The following SLC17A8 variants were observed in gnomAD, a reference collection of about 807,000 sequenced individuals.
SLC17A8 encodes the protein solute carrier family 17 member 8.
In SLC17A8, 31 loss-of-function variants were observed where a neutral mutation model predicts 58.0. The ratio of observed to expected loss-of-function variants is 0.53; its 90% CI spans 0.40 to 0.72. SLC17A8 has a LOEUF of 0.72. SLC17A8 is among the 30% of genes least tolerant of loss of function. The pLI is 0.00. For missense variants in SLC17A8, 655 were observed against 727.8 expected (o/e 0.90, Z 1.15); for synonymous variants, 228 against 249.0 (o/e 0.92, Z 0.79).
intron 1 of SLC17A8, among the ~76,000 whole-genome samples, chr12:100,374,505 G>A (rs149021383): frequency 0.02 from 3,063 of 152,220 alleles, 29 homozygotes; most frequent in Non-Finnish European, 0.028. Context: ...CCAGCTACTC[G>A]GGAGGCTGAG....
At chr12:100,396,699 A>G (rs1001610769) in intron 5 of SLC17A8, among the ~76,000 whole-genome samples, 8 of 152,192 alleles carry the variant, frequency 5.3e-5, no homozygotes, top group African/African-American at 1.9e-4. Context: ...GCATTAAGCT[A>G]TGATGGCCAC....
At chr12:100,357,826 G>A (rs1952459023) in intron 1 of SLC17A8, among the ~76,000 whole-genome samples, 1 of 152,118 alleles carries the variant, frequency 6.6e-6, no homozygotes, top group Non-Finnish European at 1.5e-5. Flanking sequence ...TAACTCATTA[G>A]TAATGACAAA....
At chr12:100,400,670 C>A (rs1952784600) in intron 5 of SLC17A8, among the ~76,000 whole-genome samples, 1 of 152,056 alleles carries the variant, frequency 6.6e-6, no homozygotes, top group Non-Finnish European at 1.5e-5. Context: ...TTCCTTTCAC[C>A]ACTCACTTTT....
chr12:100,357,354 A>C lies in SLC17A8; in HGVS notation c.-38A>C, dbSNP rs759349166. The C allele has an allele frequency of 8.7e-7, 1 of 1,150,590 alleles. No homozygotes were observed. The highest frequency in any genetic ancestry group is 1.5e-5 in the African/African-American group (1 of 65,784). The allele number at this position is 1,150,590 out of a possible 1,614,324, so 71.3% of individuals were successfully genotyped here. On this transcript the variant is annotated 5_prime_UTR_variant, in exon 1 of 12. Transcript: ENST00000323346. ...ATGAGGAAGGATGACAGTTTTTGAGACTGACTGTTAACGGCTCAGAGGTGC... is the reference window on the plus strand; with the variant it reads ...ATGAGGAAGGATGACAGTTTTTGAGCCTGACTGTTAACGGCTCAGAGGTGC...
intron 1 of SLC17A8, among the ~76,000 whole-genome samples, chr12:100,361,188 G>A (rs930411481): frequency 6.6e-6 from 1 of 152,178 alleles, no homozygotes; most frequent in African/African-American, 2.4e-5. Context: ...TCTCACCCCT[G>A]CTCAAAACTA....
rs1242499509 is a variant in SLC17A8, at chr12:100,402,477, A to C, written c.901A>C (p.Ser301Arg). ...AGAGGGGGCCAACGTGGTTAGTCTA[A>C]GTGTAAGTATAAAAAGTCAGATGAA... ...IGEGANVVSL[S>R]KFSTPWKRFF... The change falls in exon 7 of 12, where the codon AGT becomes CGT. Residue 301 changes from serine to arginine, a missense_variant and splice_region_variant. Transcript: ENST00000323346. The C allele has an allele frequency of 6.2e-7, 1 of 1,614,086 alleles. No individual in the cohort carries two copies. The highest frequency in any genetic ancestry group is 1.1e-5 in the South Asian group (1 of 91,058).
rs540937478 is a variant in SLC17A8, at chr12:100,366,046, C to T, written c.101+8554C>T. On this transcript the variant is annotated intron_variant, in intron 1 of 11. Transcript: ENST00000323346. ...TAGTTCCCTGTCATCCACCGTGATC[C>T]CTTCTTTTTTTTTTTTTTTTTTTTT... Among the ~76,000 whole-genome samples, 69 of 122,012 alleles carry T rather than the reference C, an allele frequency of 5.7e-4. 1 individual carries two copies. The highest frequency in any genetic ancestry group is 2.3e-3 in the African/African-American group (69 of 29,482). 80.0% of individuals were successfully genotyped at this position (122,012 alleles called of 152,430 possible). A position where few individuals can be genotyped will look rare whatever the true frequency, so the allele number is the denominator to read the frequency against.
chr12:100,366,719 G>A (rs991505478), intron 1 of SLC17A8, among the ~76,000 whole-genome samples: 4 of 152,288 alleles, frequency 2.6e-5, no homozygotes, highest in Non-Finnish European at 4.4e-5. Context: ...ACTTTCCACT[G>A]GGGTGGCCAG....
chr12:100,395,771 C>T (rs1010124544), intron 4 of SLC17A8, among the ~76,000 whole-genome samples: 2 of 152,120 alleles, frequency 1.3e-5, no homozygotes, highest in African/African-American at 4.8e-5. Context: ...CACCACCATG[C>T]CCAACTAGTT....
At chr12:100,358,304 TTGA>T (rs1212510734) in intron 1 of SLC17A8, among the ~76,000 whole-genome samples, 4 of 152,302 alleles carry the variant, frequency 2.6e-5, no homozygotes, top group Non-Finnish European at 5.9e-5. Flanking sequence ...AAAAATAACT[TTGA>T]TACACTTTTT....
rs1456364834 is a variant in SLC17A8 at position 100,402,228 on chromosome 12, A to G, written c.764-112A>G. The G allele has an allele frequency of 4.1e-6, 5 of 1,211,630 alleles. No individual in the cohort carries two copies. The East Asian group carries it at 7.3e-5, about 18-fold the overall frequency. The allele number at this position is 1,211,630 out of a possible 1,614,324, so 75.1% of individuals were successfully genotyped here. A position where few individuals can be genotyped will look rare whatever the true frequency, so the allele number is the denominator to read the frequency against. ...TGAGTCCCTCAAACCTTGTTACAAC[A>G]TTGGTACATTACCCATTTTACCTGA... On this transcript the variant is annotated intron_variant, in intron 6 of 11. Transcript: ENST00000323346.
At chr12:100,419,459 G>A (rs2136019746) in intron 11 of SLC17A8, among the ~76,000 whole-genome samples, 1 of 151,918 alleles carries the variant, frequency 6.6e-6, no homozygotes, top group East Asian at 1.9e-4. Context: ...TGTGAACCCA[G>A]GAGGCGGAGC....
intron 1 of SLC17A8, among the ~76,000 whole-genome samples, chr12:100,367,753 A>G (rs565599516): frequency 6.6e-6 from 1 of 152,162 alleles, no homozygotes; most frequent in East Asian, 1.9e-4. Context: ...AGGTCTCGCT[A>G]TGTTGCCTAG....
chr12:100,373,686 G>C (rs980766491), intron 1 of SLC17A8, among the ~76,000 whole-genome samples: 1 of 148,034 alleles, frequency 6.8e-6, no homozygotes, highest in African/African-American at 2.5e-5. Flanking sequence ...CTAGGTTCAA[G>C]AGATTCTCCT....
chr12:100,374,396 G>C lies in SLC17A8; in HGVS notation c.102-6305G>C, dbSNP rs1952579769. Among the ~76,000 whole-genome samples the C allele has an allele frequency of 2.0e-5, 3 of 152,182 alleles. No homozygotes were observed. In the South Asian group the frequency reaches 6.2e-4, roughly 32 times the overall value. ...GGAGACTGAGATGGGTGGATTGCTT[G>C]AGGCCAGAAGTTCCACACCAGCCTG... is the stretch of plus-strand genomic sequence containing the variant. On this transcript the variant is annotated intron_variant, in intron 1 of 11. Transcript: ENST00000323346.
At chr12:100,398,420 A>G (rs563633949) in intron 5 of SLC17A8, among the ~76,000 whole-genome samples, 1 of 152,082 alleles carries the variant, frequency 6.6e-6, no homozygotes, top group African/African-American at 2.4e-5. Context: ...TATTTGTAAG[A>G]CCTTTCATTT....
intron 1 of SLC17A8, among the ~76,000 whole-genome samples, chr12:100,373,236 C>G (rs1438863493): frequency 6.6e-6 from 1 of 152,120 alleles, no homozygotes; most frequent in East Asian, 1.9e-4. Flanking sequence ...TGCAGTCAAG[C>G]AGGGAAGGAA....
chr12:100,411,708 C>G (rs189539590), intron 9 of SLC17A8, among the ~76,000 whole-genome samples: 1 of 151,804 alleles, frequency 6.6e-6, no homozygotes, highest in Non-Finnish European at 1.5e-5. Context: ...ACTTTTTTTT[C>G]GGGTGAGAAG....
intron 10 of SLC17A8, among the ~76,000 whole-genome samples, chr12:100,414,799 G>GTA: frequency 6.6e-6 from 1 of 152,176 alleles, no homozygotes; most frequent in South Asian, 2.1e-4. Flanking sequence ...CCAGCCCAGT[G>GTA]CCTCTCAAAG....
Sources: allele counts gnomAD v4.1 joint callset (sites outside exome capture counted in the v4.1 genomes callset), GRCh38; gene constraint gnomAD v4.1.1; transcripts MANE v1.5; gene names NCBI Gene and HGNC (gene_info 2026-07-23, HGNC 2026-07-21).